DNAH14: variants seen among roughly 807,000 people sequenced by gnomAD.
DNAH14 encodes the protein axonemal beta dynein heavy chain 14.
Under a neutral mutation model 520.9 loss-of-function variants are expected in DNAH14, and 478 were observed. The observed-to-expected ratio is 0.92, with a 90% CI of 0.85 to 0.99. The LOEUF (loss-of-function observed/expected upper bound fraction) is 0.99. DNAH14 is among the 50% of genes least tolerant of loss of function. The pLI, the probability that DNAH14 is intolerant of heterozygous loss-of-function variation, is 0.00. For synonymous variants in DNAH14, 1,581 were observed against 1,757.2 expected (o/e 0.90, Z 2.51); for missense variants, 4,831 against 5,234.5 (o/e 0.92, Z 2.38).
At chr1:225,240,490 A>G (rs2091905756) in intron 42 of DNAH14, 103 bp from the exon 43 acceptor site, 12 of 733,656 alleles carry the variant, frequency 1.6e-5, no homozygotes, top group South Asian at 4.9e-5. Context: ...CTGCATTACA[A>G]TTTTTAATAA....
At position 225,082,222 on chromosome 1, in the gene DNAH14, C is replaced by T. The variant is rs376796262; in HGVS notation, c.3137-327C>T. 2.7e-5 allele frequency among the ~76,000 whole-genome samples: 3 copies of T among 109,526 alleles called. No homozygotes were observed. The East Asian group carries it at 8.6e-4, about 31-fold the overall frequency. 71.9% of individuals were successfully genotyped at this position (109,526 alleles called of 152,430 possible). A position where few individuals can be genotyped will look rare whatever the true frequency, so the allele number is the denominator to read the frequency against. On this transcript the variant is annotated intron_variant, in intron 19 of 85. Coordinates refer to ENST00000682510, the MANE Select transcript of DNAH14 (RefSeq NM_001367479.1). ...TGCACATGCGCATGTACCCATTTGT[C>T]TGTATATTTATCATGTCAGTGAAAA...
In DNAH14 at chr1:225,043,806, T is replaced by G. The variant is rs983896725; in HGVS notation, c.1814+17T>G. On this transcript the variant is annotated intron_variant, in intron 14 of 85. Coordinates refer to ENST00000682510, the MANE Select transcript of DNAH14 (RefSeq NM_001367479.1). ...GTATTATGAGTAAGTATTAGACATT[T>G]TAAAAATTACGAGTAATTGTATTTT... 2.7e-6 allele frequency: 4 copies of G among 1,461,446 alleles called. No individual in the cohort carries two copies. In the African/African-American group the frequency reaches 5.7e-5, roughly 21 times the overall value. 90.5% of individuals were successfully genotyped at this position (1,461,446 alleles called of 1,614,324 possible). A position where few individuals can be genotyped will look rare whatever the true frequency, so the allele number is the denominator to read the frequency against.
At chr1:225,110,026 A>G (rs1275494777) in intron 23 of DNAH14, among the ~76,000 whole-genome samples, 1 of 152,176 alleles carries the variant, frequency 6.6e-6, no homozygotes, top group Non-Finnish European at 1.5e-5. Flanking sequence ...CATCACTGGG[A>G]TGAATCCCAC....
At position 225,154,196 on chromosome 1, in the gene DNAH14, AT is replaced by A. The variant is rs575524291; in HGVS notation, c.5273+371del. Among the ~76,000 whole-genome samples, 24 of 152,210 alleles carry A rather than the reference AT, an allele frequency of 1.6e-4. 1 individual carries two copies. In the East Asian group the frequency reaches 4.6e-3, roughly 29 times the overall value. On this transcript the variant is annotated intron_variant, in intron 34 of 85. Transcript: ENST00000682510. ...AAAACTTAAAACAGGATTGAAAGAAATGAAAATGTATTTAAATGAAATAATA... is the reference window on the plus strand; with the variant it reads ...AAAACTTAAAACAGGATTGAAAGAAAGAAAATGTATTTAAATGAAATAATA...
chr1:225,067,713 A>G (rs1252222198), intron 17 of DNAH14, among the ~76,000 whole-genome samples: 4 of 152,056 alleles, frequency 2.6e-5, no homozygotes, highest in Non-Finnish European at 4.4e-5. Context: ...TTCTCTAATG[A>G]TCAGTGATGT....
intron 69 of DNAH14, among the ~76,000 whole-genome samples, chr1:225,344,246 A>C (rs995278118): frequency 6.7e-6 from 1 of 149,226 alleles, no homozygotes; most frequent in African/African-American, 2.5e-5. Flanking sequence ...TTAACTTTTA[A>C]GTTCAAGGCT....
intron 71 of DNAH14, among the ~76,000 whole-genome samples, chr1:225,348,278 G>GA (rs1467249268): frequency 1.3e-5 from 2 of 151,038 alleles, no homozygotes; most frequent in Admixed American, 6.6e-5. Flanking sequence ...CCCAGAAGAA[G>GA]AAAAAAAGAG....
chr1:225,365,835 G>A (rs542024967), intron 76 of DNAH14, among the ~76,000 whole-genome samples: 26 of 152,238 alleles, frequency 1.7e-4, no homozygotes, highest in Admixed American at 1.2e-3. Flanking sequence ...CAGAAATAGC[G>A]CTTCAGGGAA....
Position 225,082,609 on chromosome 1 carries a change from A to G in DNAH14, c.3197A>G (p.Glu1066Gly). The G allele has an allele frequency of 6.4e-7, 1 of 1,551,682 alleles. No homozygotes were observed. The highest frequency in any genetic ancestry group is 8.7e-7 in the Non-Finnish European group (1 of 1,146,966). The part of the protein sequence containing the change: ...LKQVVTEFKQ[E>G]LPIIIALGNP... ...CAAGTGGTAACAGAGTTTAAACAAG[A>G]GCTGCCTATCATTATAGCTCTGGGA... The change falls in exon 20 of 86, where the codon GAG becomes GGG. Residue 1066 changes from glutamate to glycine, a missense_variant. By Grantham distance (98) the Glu-to-Gly change is moderately conservative. Transcript: ENST00000682510.
intron 29 of DNAH14, among the ~76,000 whole-genome samples, chr1:225,145,075 G>GT (rs1212366395): frequency 3.9e-5 from 6 of 152,210 alleles, no homozygotes; most frequent in Non-Finnish European, 8.8e-5. Flanking sequence ...TTTTTTCATA[G>GT]TTTTTTATTC....
At chr1:225,150,222 C>A (rs915635138) in intron 31 of DNAH14, among the ~76,000 whole-genome samples, 5 of 152,172 alleles carry the variant, frequency 3.3e-5, no homozygotes, top group African/African-American at 9.7e-5. Context: ...ATTGAACCAA[C>A]CTTGCACCCC....
chr1:225,071,469 G>A (rs1477316631), intron 17 of DNAH14, among the ~76,000 whole-genome samples: 1 of 152,096 alleles, frequency 6.6e-6, no homozygotes, highest in African/African-American at 2.4e-5. Flanking sequence ...GAAATTCTGG[G>A]TTGGAACTTT....
intron 11 of DNAH14, among the ~76,000 whole-genome samples, chr1:225,029,361 A>C (rs2066367145): frequency 6.6e-6 from 1 of 152,006 alleles, no homozygotes; most frequent in Admixed American, 6.6e-5. Context: ...AGTGGTTGTT[A>C]ACTGTGTGTG....
At position 225,206,972 on chromosome 1, in the gene DNAH14, C is replaced by G; in HGVS notation, c.6191C>G (p.Pro2064Arg). 1 of 1,485,398 alleles carries G rather than the reference C, an allele frequency of 6.7e-7. No homozygotes were observed. Among genetic ancestry groups the G allele is most frequent in the Non-Finnish European group, 8.9e-7 (1 of 1,117,800 alleles). 92.0% of individuals were successfully genotyped at this position (1,485,398 alleles called of 1,614,324 possible). Residue 2064 changes from proline (P) to arginine (R), a missense_variant, in exon 41 of 86, where the codon CCT (proline) becomes CGT (arginine). Transcript: ENST00000682510. ...VSRCAMVYMD[P>R]VDLGWEPYVK... is the part of the protein sequence containing the mutation. ...TATTTTGCTCCTTATTATTAGGATCCTGTTGATCTGGGATGGGAACCTTAT... is the reference window on the plus strand; with the variant it reads ...TATTTTGCTCCTTATTATTAGGATCGTGTTGATCTGGGATGGGAACCTTAT...
At chr1:225,265,400 C>G in intron 48 of DNAH14, 31 bp downstream of exon 48, 2 of 1,464,854 alleles carry the variant, frequency 1.4e-6, no homozygotes, top group Non-Finnish European at 1.8e-6. Context: ...GTTCAATAAT[C>G]TGCTTAGGCT....
chr1:224,941,642 G>A (rs2059426878), intron 1 of DNAH14, among the ~76,000 whole-genome samples: 1 of 152,170 alleles, frequency 6.6e-6, no homozygotes, highest in African/African-American at 2.4e-5. Context: ...ATGGTTTTAG[G>A]TCTAACATTT....
rs1162344250 is a variant in DNAH14 at position 225,097,106 on chromosome 1, T to G, written c.3574-12T>G. 6.5e-7 allele frequency: 1 copy of G among 1,537,074 alleles called. No individual in the cohort carries two copies. The highest frequency in any genetic ancestry group is 1.4e-5 in the African/African-American group (1 of 72,470). On this transcript the variant is annotated splice_polypyrimidine_tract_variant and intron_variant, in intron 21 of 85. Coordinates refer to ENST00000682510, the MANE Select transcript of DNAH14 (RefSeq NM_001367479.1). Reference sequence around the variant, plus strand: ...TTTAGATTTGTATGTGTATATGTTTTTATCATTGTAGGATCTTGTGAATGA... The same window carrying G: ...TTTAGATTTGTATGTGTATATGTTTGTATCATTGTAGGATCTTGTGAATGA...
chr1:225,321,119 A>G (rs1459567667), intron 61 of DNAH14, among the ~76,000 whole-genome samples: 1 of 152,216 alleles, frequency 6.6e-6, no homozygotes, highest in African/African-American at 2.4e-5. Context: ...AAGCAACCTG[A>G]AAAAATTATT....
chr1:225,173,484 T>A (rs1573715365), intron 36 of DNAH14, among the ~76,000 whole-genome samples: 1 of 152,168 alleles, frequency 6.6e-6, no homozygotes, highest in African/African-American at 2.4e-5. Flanking sequence ...GAAGACATTT[T>A]TGCAGCCAAA....
Sources: allele counts gnomAD v4.1 joint callset (sites outside exome capture counted in the v4.1 genomes callset), GRCh38; gene constraint gnomAD v4.1.1; transcripts MANE v1.5; gene names NCBI Gene and HGNC (gene_info 2026-07-23, HGNC 2026-07-21).